Variants in TMPRSS15 observed in about 807,000 individuals in gnomAD.
TMPRSS15 encodes the protein enteropeptidase.
TMPRSS15 carries 128 observed loss-of-function variants against 125.3 expected under a neutral mutation model. The ratio of observed to expected loss-of-function variants is 1.02; its 90% CI spans 0.89 to 1.18. The LOEUF (loss-of-function observed/expected upper bound fraction) is 1.18. TMPRSS15 is among the 50% of genes most tolerant of loss of function. The pLI is 0.00. For missense variants in TMPRSS15, 1,283 were observed against 1,212.7 expected, an observed-to-expected ratio of 1.06 and a Z score of -0.86; for synonymous variants, 446 against 423.2, an observed-to-expected ratio of 1.05 and a Z score of -0.66.
At chr21:18,406,484 G>A (rs555111414), upstream of TMPRSS15, among the ~76,000 whole-genome samples, 1 of 152,102 alleles carries the variant, frequency 6.6e-6, no homozygotes, top group African/African-American at 2.4e-5. Context: ...ATTTTCTATT[G>A]ACTAACAGAT....
chr21:18,344,297 G>A (rs2075482747), intron 10 of TMPRSS15, among the ~76,000 whole-genome samples: 1 of 152,092 alleles, frequency 6.6e-6, no homozygotes, highest in Admixed American at 6.6e-5. Flanking sequence ...CAAGAGTCTT[G>A]AAGTGGAGTA....
chr21:18,276,408 T>G (rs2074620753), intron 23 of TMPRSS15, among the ~76,000 whole-genome samples: 1 of 152,198 alleles, frequency 6.6e-6, no homozygotes, highest in Non-Finnish European at 1.5e-5. Flanking sequence ...ACTAGATAAC[T>G]TTTCAAGTTT....
chr21:18,359,402 A>G (rs2075657370), intron 8 of TMPRSS15, among the ~76,000 whole-genome samples: 1 of 152,098 alleles, frequency 6.6e-6, no homozygotes, highest in Non-Finnish European at 1.5e-5. Context: ...TAACCTACGC[A>G]ATGCAGAGAA....
At chr21:18,367,963 A>G (rs1019336135) in intron 6 of TMPRSS15, among the ~76,000 whole-genome samples, 5 of 152,206 alleles carry the variant, frequency 3.3e-5, no homozygotes, top group African/African-American at 9.6e-5. Flanking sequence ...TGAACTGAAA[A>G]GCAGGGGGGA....
intron 10 of TMPRSS15, among the ~76,000 whole-genome samples, chr21:18,346,397 G>A (rs2075509207): frequency 6.6e-6 from 1 of 152,106 alleles, no homozygotes; most frequent in Non-Finnish European, 1.5e-5. Context: ...AAAAAAATAA[G>A]CTTATACGCA....
At chr21:18,436,079 C>T (rs2076227223) in intron 1 of TMPRSS15, among the ~76,000 whole-genome samples, 1 of 151,096 alleles carries the variant, frequency 6.6e-6, no homozygotes, top group Non-Finnish European at 1.5e-5. Context: ...TTTCAAAAAA[C>T]CAGCTCCTGG....
intron 21 of TMPRSS15, among the ~76,000 whole-genome samples, chr21:18,281,872 C>T (rs1050982725): frequency 1.1e-4 from 17 of 151,922 alleles, no homozygotes; most frequent in African/African-American, 4.1e-4. Flanking sequence ...CCGAGGCGGG[C>T]GGATCACAAG....
chr21:18,322,161 A>G (rs2075245085), intron 16 of TMPRSS15, among the ~76,000 whole-genome samples: 1 of 152,190 alleles, frequency 6.6e-6, no homozygotes, highest in Admixed American at 6.5e-5. Context: ...ATTGTTTTTC[A>G]AAATCTTTGA....
At chr21:18,461,929 T>G (rs1247251901) in intron 1 of TMPRSS15, among the ~76,000 whole-genome samples, 1 of 152,146 alleles carries the variant, frequency 6.6e-6, no homozygotes, top group Non-Finnish European at 1.5e-5. Context: ...TTAGAAAAAC[T>G]GCCTTGATCA....
chr21:18,475,264 TA>T (rs931606902), intron 1 of TMPRSS15, among the ~76,000 whole-genome samples: 3 of 152,060 alleles, frequency 2.0e-5, no homozygotes, highest in African/African-American at 7.2e-5. Context: ...AAGATTGAGC[TA>T]AAAAAAGTCT....
chr21:18,370,858 T>C (rs959963315), intron 6 of TMPRSS15, among the ~76,000 whole-genome samples: 2 of 152,138 alleles, frequency 1.3e-5, no homozygotes, highest in African/African-American at 4.8e-5. Context: ...GTTATTAGAA[T>C]ATTCATCTTT....
At chr21:18,270,405 A>G (rs1347807709) in intron 24 of TMPRSS15, among the ~76,000 whole-genome samples, 1 of 152,150 alleles carries the variant, frequency 6.6e-6, no homozygotes, top group Non-Finnish European at 1.5e-5. Context: ...GGTGGCTACT[A>G]AGAAGTTCTT....
rs752661555 is a variant in TMPRSS15, at chr21:18,281,109, G to A, written c.2599C>T (p.His867Tyr). ...TTGTCCTTTCTTCGCCTATTGTAATGAGGGTTTATGACAATTTCATCTATT... is the reference window on the plus strand; with the variant it reads ...TTGTCCTTTCTTCGCCTATTGTAATAAGGGTTTATGACAATTTCATCTATT... ...RLIDEIVINP[H>Y]YNRRRKDNDI... Residue 867 changes from histidine to tyrosine, a missense_variant, in exon 22 of 25, where the codon CAT becomes TAT. Transcript: ENST00000284885. 8 of 1,613,878 alleles carry A rather than the reference G, an allele frequency of 5.0e-6. No individual in the cohort carries two copies. Among genetic ancestry groups the A allele is most frequent in the Non-Finnish European group, 6.8e-6 (8 of 1,179,934 alleles).
chr21:18,403,038 A>G (rs1230769917), intron 1 of TMPRSS15, among the ~76,000 whole-genome samples: 1 of 152,224 alleles, frequency 6.6e-6, no homozygotes, highest in Non-Finnish European at 1.5e-5. Context: ...AAGAGAATGA[A>G]GATAGAAATA....
Position 18,433,663 on chromosome 21 carries a change from C to CAAAAA in TMPRSS15, c.11-35339_11-35335dup, listed in dbSNP as rs58432155. Among the ~76,000 whole-genome samples the CAAAAA allele has an allele frequency of 5.9e-3, 365 of 62,372 alleles. 22 individuals carry two copies. Among genetic ancestry groups the CAAAAA allele is most frequent in the African/African-American group, 0.022 (344 of 15,722 alleles). The allele number at this position is 62,372 out of a possible 152,430, so 40.9% of individuals were successfully genotyped here. ...TGGGTGAGAAAGTAAGACCTTGTCTCAAAAAAAAAAAAAAAAAAAAAAAGA... is the reference window on the plus strand; with the variant it reads ...TGGGTGAGAAAGTAAGACCTTGTCTCAAAAAAAAAAAAAAAAAAAAAAAAAAAAGA... On this transcript the variant is annotated intron_variant, in intron 1 of 7. Transcript: ENST00000422787.
Position 18,281,088 on chromosome 21 carries a change from C to T in TMPRSS15, c.2620G>A (p.Asp874Asn), listed in dbSNP as rs1170739118. The T allele has an allele frequency of 5.6e-6, 9 of 1,613,708 alleles. No individual in the cohort carries two copies. The Admixed American group carries it at 1.5e-4, about 27-fold the overall frequency. Residue 874 changes from aspartate to asparagine, a missense_variant, in exon 22 of 25, where the codon GAC becomes AAC. By Grantham distance (23) the Asp-to-Asn change is conservative (BLOSUM62 1). Transcript: ENST00000284885. ...INPHYNRRRK[D>N]NDIAMMHLEF... ...AGATGCATCATGGCAATGTCGTTGT[C>T]CTTTCTTCGCCTATTGTAATGAGGG...
chr21:18,462,861 C>G (rs2122910938), intron 1 of TMPRSS15, among the ~76,000 whole-genome samples: 6 of 152,034 alleles, frequency 3.9e-5, no homozygotes, highest in Non-Finnish European at 8.8e-5. Flanking sequence ...ATGGATCTCT[C>G]AGCAGAAACT....
chr21:18,388,957 A>C (rs1329375158), intron 3 of TMPRSS15, among the ~76,000 whole-genome samples: 1 of 152,116 alleles, frequency 6.6e-6, no homozygotes, highest in Non-Finnish European at 1.5e-5. Context: ...GGAAGGGACT[A>C]TGTACTGTAG....
chr21:18,329,051 A>G, intron 15 of TMPRSS15, 118 bp downstream of exon 15: 1 of 1,133,508 alleles, frequency 8.8e-7, no homozygotes, highest in Non-Finnish European at 1.3e-6. Context: ...TCACTTTACT[A>G]TTGTATTTTC....
Sources: allele counts gnomAD v4.1 joint callset (sites outside exome capture counted in the v4.1 genomes callset), GRCh38; gene constraint gnomAD v4.1.1; transcripts MANE v1.5; gene names NCBI Gene and HGNC (gene_info 2026-07-23, HGNC 2026-07-21).